Variants in PSD4 observed in about 807,000 individuals in gnomAD.
PSD4 encodes PH and SEC7 domain-containing protein 4.
A neutral mutation model predicts 112.5 loss-of-function variants in PSD4; 59 were observed. The observed-to-expected ratio is 0.52, with a 90% CI of 0.43 to 0.65. The LOEUF is 0.65. Ranked by LOEUF, PSD4 falls within the 30% of genes least tolerant of loss-of-function variation. The pLI is 0.00. For synonymous variants in PSD4, 533 were observed against 540.0 expected (o/e 0.99, Z 0.18); for missense variants, 1,267 against 1,352.6 (o/e 0.94, Z 0.99).
chr2:113,177,709 CA>C (rs1198834652), intron 1 of PSD4, among the ~76,000 whole-genome samples: 2 of 152,126 alleles, frequency 1.3e-5, no homozygotes, highest in African/African-American at 4.8e-5. Flanking sequence ...GAGTGGTTGA[CA>C]AATCAGTTAC....
rs1688467912 is a variant in PSD4, at chr2:113,192,414, C to G, written c.1663C>G (p.Leu555Val). 6.2e-7 allele frequency: 1 copy of G among 1,614,098 alleles called. No individual in the cohort carries two copies. Residue 555 changes from leucine (L) to valine (V), a missense_variant, in exon 6 of 17, where the codon CTT becomes GTT. Leu to Val is a conservative substitution (Grantham distance 32). Around this residue, in one of 2 missense-constraint regions of PSD4, gnomAD observed 723 missense variants for 704.0 expected, o/e 1.03. Coordinates refer to ENST00000245796, the MANE Select transcript of PSD4 (RefSeq NM_012455.3). ...GAGGACACCGATGAACTCTTCTTGG[C>G]TTCCTGGGAGCCCTATGCCCCAAGC... Reference protein sequence around the residue: ...NLRTPMNSSWLPGSPMPQAQS... With the variant: ...NLRTPMNSSWVPGSPMPQAQS...
intron 15 of PSD4, 24 bp from the exon 16 acceptor site, chr2:113,199,059 C>G (rs1288895178): frequency 6.6e-7 from 1 of 1,519,446 alleles, no homozygotes; most frequent in East Asian, 2.6e-5. Context: ...CGGGACAGCG[C>G]CCCTCACCGC....
chr2:113,199,950 C>T (rs963738422), intron 16 of PSD4, among the ~76,000 whole-genome samples: 13 of 152,144 alleles, frequency 8.5e-5, no homozygotes, highest in Non-Finnish European at 1.6e-4. Flanking sequence ...CTCAGCCTCC[C>T]GAGTAGCTGG....
At position 113,186,236 on chromosome 2, in the gene PSD4, C is replaced by A; in HGVS notation, c.1609C>A (p.His537Asn). 6.3e-7 allele frequency: 1 copy of A among 1,593,030 alleles called. No homozygotes were observed. The highest frequency in any genetic ancestry group is 1.1e-5 in the South Asian group (1 of 88,244). Residue 537 changes from histidine to asparagine, a missense_variant, in exon 5 of 17, where the codon CAC becomes AAC. His to Asn is a moderately conservative substitution (Grantham distance 68). Transcript: ENST00000245796. The part of the protein sequence containing the change: ...AETGDVQPDI[H>N]LTSAEHENLR... ...GACTGGAGACGTCCAGCCTGACATTCACCTGACTTCTGCAGAACAGTAAGT... is the reference window on the plus strand; with the variant it reads ...GACTGGAGACGTCCAGCCTGACATTAACCTGACTTCTGCAGAACAGTAAGT...
At chr2:113,179,471 G>A (rs186982751) in intron 1 of PSD4, among the ~76,000 whole-genome samples, 92 of 152,286 alleles carry the variant, frequency 6.0e-4, no homozygotes, top group African/African-American at 2.1e-3. Context: ...CTTGGATCTC[G>A]TGCAAGAAAG....
At chr2:113,201,011 C>T in intron 16 of PSD4, 147 bp from the exon 17 acceptor site, 1 of 993,048 alleles carries the variant, frequency 1.0e-6, no homozygotes, top group Non-Finnish European at 1.5e-6. Context: ...AAGCATTATA[C>T]TGACACTCAC....
intron 14 of PSD4, chr2:113,198,156 G>C: frequency 2.1e-6 from 1 of 474,136 alleles, no homozygotes; most frequent in South Asian, 4.8e-5. Flanking sequence ...CCTTTTCCTT[G>C]TCAGTGGGAT....
rs1400174580 is a variant in PSD4 at position 113,185,121 on chromosome 2, A to C, written c.1173+48A>C. The C allele has an allele frequency of 5.6e-6, 9 of 1,612,798 alleles. No individual in the cohort carries two copies. In the African/African-American group the frequency reaches 6.7e-5, roughly 12 times the overall value. On this transcript the variant is annotated intron_variant, in intron 3 of 16. Transcript: ENST00000245796. Reference sequence around the variant, plus strand: ...GCCTTACTTTCTCCATCTTTGGAGGAGGAATATGAGCCCATTCATTTCCAG... The same window carrying C: ...GCCTTACTTTCTCCATCTTTGGAGGCGGAATATGAGCCCATTCATTTCCAG...
Position 113,197,716 on chromosome 2 carries a change from A to T in PSD4, c.2458-31A>T, listed in dbSNP as rs139305035. On this transcript the variant is annotated intron_variant, in intron 13 of 16. Transcript: ENST00000245796. ...GTCTGGAGGGTGGGCAGCTGATGAT[A>T]ACCTCTTCTCTGAGCCCCTGTGACT... The T allele has an allele frequency of 2.9e-3, 4,680 of 1,609,066 alleles. 42 individuals are homozygous for T. Among genetic ancestry groups the T allele is most frequent in the Middle Eastern group, 0.021 (125 of 6,050 alleles).
Position 113,202,877 on chromosome 2 carries a change from T to C in PSD4, c.*1462T>C, listed in dbSNP as rs1232846942. 1.3e-5 allele frequency: 2 copies of C among 152,354 alleles called. No individual in the cohort carries two copies. Among genetic ancestry groups the C allele is most frequent in the Admixed American group, 6.5e-5 (1 of 15,290 alleles). 9.4% of individuals were successfully genotyped at this position (152,354 alleles called of 1,614,324 possible). A position where few individuals can be genotyped will look rare whatever the true frequency, so the allele number is the denominator to read the frequency against. ...CCGGCCAGGGCCTAGGGCTAGGCCA[T>C]GCACCCAATGGGTGCACAATAAATA... On this transcript the variant is annotated 3_prime_UTR_variant, in exon 17 of 17. Transcript: ENST00000245796.
At chr2:113,185,532 C>A in intron 4 of PSD4, 92 bp downstream of exon 4, 2 of 1,604,688 alleles carry the variant, frequency 1.2e-6, no homozygotes, top group South Asian at 2.2e-5. Flanking sequence ...TCCATGGTTG[C>A]CATTAATGGG....
intron 14 of PSD4, 64 bp downstream of exon 14, chr2:113,197,977 C>T: frequency 6.9e-7 from 1 of 1,449,228 alleles, no homozygotes; most frequent in Non-Finnish European, 9.2e-7. Context: ...TCTCCCCTGA[C>T]CCTGCTGACA....
rs1184952537 is a variant in PSD4, at chr2:113,199,191, G to C, written c.2878G>C (p.Glu960Gln). ...GCGGGGCCGTGGCCGCGAGCTGGAG[G>C]AGCACCGCCTGCGGAAGGAGTACCT... ...ERRGRGRELEEHRLRKEYLEY... is the reference protein window; with the variant it reads ...ERRGRGRELEQHRLRKEYLEY... Residue 960 changes from glutamate (E) to glutamine (Q), a missense_variant, in exon 16 of 17, where the codon GAG becomes CAG. Glu to Gln is a conservative substitution (Grantham distance 29). This residue lies in a region of PSD4 where 544 missense variants were observed against 648.6 expected (regional missense o/e 0.84). Coordinates refer to ENST00000245796, the MANE Select transcript of PSD4 (RefSeq NM_012455.3). 6.6e-7 allele frequency: 1 copy of C among 1,520,444 alleles called. No individual in the cohort carries two copies. The highest frequency in any genetic ancestry group is 2.1e-5 in the Admixed American group (1 of 47,936). The allele number at this position is 1,520,444 out of a possible 1,614,324, so 94.2% of individuals were successfully genotyped here. A position where few individuals can be genotyped will look rare whatever the true frequency, so the allele number is the denominator to read the frequency against.
rs1044289415 is a variant in PSD4 at position 113,197,401 on chromosome 2, G to C, written c.2387-163G>C. 5.4e-6 allele frequency: 4 copies of C among 741,652 alleles called. No homozygotes were observed. In the Admixed American group the frequency reaches 8.2e-5, roughly 15 times the overall value. The allele number at this position is 741,652 out of a possible 1,614,324, so 45.9% of individuals were successfully genotyped here. On this transcript the variant is annotated intron_variant, in intron 12 of 16. Transcript: ENST00000245796. ...AGACTCTATATGTTTGTTTACGATTGTATGTGTTTTCTTGTGTTGGCATGT... is the reference window on the plus strand; with the variant it reads ...AGACTCTATATGTTTGTTTACGATTCTATGTGTTTTCTTGTGTTGGCATGT...
At chr2:113,179,390 T>C (rs1253283777) in intron 1 of PSD4, among the ~76,000 whole-genome samples, 1 of 151,948 alleles carries the variant, frequency 6.6e-6, no homozygotes, top group African/African-American at 2.4e-5. Flanking sequence ...GAAGGCTGGA[T>C]CCATAGGAGA....
intron 2 of PSD4, 109 bp from the exon 3 acceptor site, chr2:113,184,847 AG>A: frequency 6.7e-7 from 1 of 1,485,516 alleles, no homozygotes; most frequent in Non-Finnish European, 9.2e-7. Flanking sequence ...CCATCAGGGC[AG>A]ACTGTGAAGG....
chr2:113,200,041 G>A (rs1486341942), intron 16 of PSD4, among the ~76,000 whole-genome samples: 2 of 152,122 alleles, frequency 1.3e-5, no homozygotes, highest in African/African-American at 4.8e-5. Context: ...GGCAAAGCTG[G>A]ACTTGAACTC....
chr2:113,180,259 C>CA (rs1323591294), intron 1 of PSD4, among the ~76,000 whole-genome samples: 1 of 152,222 alleles, frequency 6.6e-6, no homozygotes, highest in Non-Finnish European at 1.5e-5. Flanking sequence ...CCTAGCTCCC[C>CA]ACTGCAGTGG....
In PSD4 at chr2:113,201,732, C is replaced by T. The variant is rs1478343716; in HGVS notation, c.*317C>T. On this transcript the variant is annotated 3_prime_UTR_variant, in exon 17 of 17. Transcript: ENST00000245796. The stretch of plus-strand genomic sequence containing the variant: ...ATGTCACCCTCCAGGCCCCAGAATC[C>T]AGAGTGGCCTCATTTCCTAGACTTG... 1.3e-5 allele frequency: 5 copies of T among 387,560 alleles called. No individual in the cohort carries two copies. The highest frequency in any genetic ancestry group is 2.4e-5 in the Non-Finnish European group (5 of 210,168). 24.0% of individuals were successfully genotyped at this position (387,560 alleles called of 1,614,324 possible).
Sources: allele counts gnomAD v4.1 joint callset (sites outside exome capture counted in the v4.1 genomes callset), GRCh38; gene constraint gnomAD v4.1.1; regional missense constraint gnomAD v4.1.1; transcripts MANE v1.5; gene names NCBI Gene and HGNC (gene_info 2026-07-23, HGNC 2026-07-21).